The following LRTM1 variants were observed in gnomAD, a reference collection of about 807,000 sequenced individuals.
The protein encoded by LRTM1 is leucine rich repeat transmembrane protein 1, also known as leucine-rich repeat and transmembrane domain-containing protein 1.
LRTM1 carries 38 observed loss-of-function variants against 32.4 expected under a neutral mutation model. The observed-to-expected ratio is 1.17, with a 90% CI of 0.91 to 1.54. The LOEUF (loss-of-function observed/expected upper bound fraction) is 1.54, where lower values mean the gene tolerates loss of function less well. Ranked by LOEUF, LRTM1 falls within the 40% of genes most tolerant of loss-of-function variation. LRTM1 has a pLI of 0.00. For synonymous variants in LRTM1, 186 were observed against 169.9 expected, an observed-to-expected ratio of 1.09 and a Z score of -0.74; for missense variants, 466 against 415.4, an observed-to-expected ratio of 1.12 and a Z score of -1.06.
At chr3:54,946,940 A>T (rs959852797) in intron 1 of LRTM1, among the ~76,000 whole-genome samples, 1 of 152,192 alleles carries the variant, frequency 6.6e-6, no homozygotes, top group South Asian at 2.1e-4. Flanking sequence ...ATAGTTAAGC[A>T]TTGTGAAAAA....
intron 1 of LRTM1, among the ~76,000 whole-genome samples, chr3:54,945,317 G>A (rs1701584872): frequency 6.6e-6 from 1 of 152,220 alleles, no homozygotes; most frequent in South Asian, 2.1e-4. Flanking sequence ...AGAATTGCCA[G>A]GGGATCTGGC....
chr3:54,926,832 G>T (rs1207306049), intron 1 of LRTM1, among the ~76,000 whole-genome samples: 1 of 152,036 alleles, frequency 6.6e-6, no homozygotes. Flanking sequence ...AGACTGCCTT[G>T]GCTGTGCAGG....
In LRTM1 at chr3:54,919,194, C is replaced by T. The variant is rs113716368; in HGVS notation, c.605-302G>A. On this transcript the variant is annotated intron_variant, in intron 2 of 2. Transcript: ENST00000273286. ...CAATGCAAAAGCTGACAAGAAGGCACGCTGGGGGCCGATGGTGAGGGCACA... is the reference window on the plus strand; with the variant it reads ...CAATGCAAAAGCTGACAAGAAGGCATGCTGGGGGCCGATGGTGAGGGCACA... Among the ~76,000 whole-genome samples the T allele has an allele frequency of 2.9e-3, 449 of 152,332 alleles. 1 individual carries two copies. The highest frequency in any genetic ancestry group is 0.01 in the African/African-American group (435 of 41,582).
At chr3:54,931,267 T>A (rs952231731), upstream of LRTM1, among the ~76,000 whole-genome samples, 14 of 152,176 alleles carry the variant, frequency 9.2e-5, no homozygotes, top group African/African-American at 3.4e-4. Context: ...AAGGGGTTTT[T>A]TTGGTTCTGT....
chr3:54,955,733 G>T (rs570296322), intron 1 of LRTM1, among the ~76,000 whole-genome samples: 1 of 152,254 alleles, frequency 6.6e-6, no homozygotes, highest in South Asian at 2.1e-4. Context: ...TACCGAGGGG[G>T]CTTTTTTGGG....
At chr3:54,925,475 C>T (rs1344448460) in intron 1 of LRTM1, among the ~76,000 whole-genome samples, 1 of 152,000 alleles carries the variant, frequency 6.6e-6, no homozygotes, top group South Asian at 2.1e-4. Flanking sequence ...TCTTCTGATT[C>T]GGAAGATGGA....
At chr3:54,954,316 TTGTC>T (rs1000995076) in intron 1 of LRTM1, among the ~76,000 whole-genome samples, 3 of 152,088 alleles carry the variant, frequency 2.0e-5, no homozygotes, top group African/African-American at 7.2e-5. Flanking sequence ...CCCCACTGAG[TTGTC>T]TGTCTGTGGC....
Position 54,945,707 on chromosome 3 carries a change from A to G in LRTM1, c.-221-20492T>C, listed in dbSNP as rs141129294. 2.3e-3 allele frequency among the ~76,000 whole-genome samples: 354 copies of G among 152,302 alleles called. 2 individuals carry two copies. Among genetic ancestry groups the G allele is most frequent in the African/African-American group, 8.0e-3 (333 of 41,566 alleles). ...AATGCAGGTTTGACAGTGGTTCCCT[A>G]TCACTACCCCATTAGGTGTCTATAG... On this transcript the variant is annotated intron_variant, in intron 1 of 2. Transcript: ENST00000493075.
intron 1 of LRTM1, among the ~76,000 whole-genome samples, chr3:54,960,937 G>A (rs1167282328): frequency 2.0e-5 from 3 of 152,168 alleles, no homozygotes; most frequent in African/African-American, 7.2e-5. Context: ...ATGTAAAGAA[G>A]GTTGGAGTTA....
At chr3:54,926,207 A>G (rs1434214080) in intron 1 of LRTM1, among the ~76,000 whole-genome samples, 2 of 152,208 alleles carry the variant, frequency 1.3e-5, no homozygotes, top group African/African-American at 4.8e-5. Context: ...AACATATAGC[A>G]TGCATTTTGA....
intron 1 of LRTM1, among the ~76,000 whole-genome samples, chr3:54,946,926 A>G (rs1323182174): frequency 6.6e-6 from 1 of 152,210 alleles, no homozygotes; most frequent in Non-Finnish European, 1.5e-5. Context: ...CTGTGTCAAT[A>G]AAAATAGTTA....
chr3:54,933,060 CCTTCCTTCCTT>C (rs1701237460), intron 1 of LRTM1, among the ~76,000 whole-genome samples: 1 of 7,594 alleles, frequency 1.3e-4, no homozygotes, highest in Non-Finnish European at 2.5e-4. Context: ...TCCCTTCCTT[CCTTCCTTCCTT>C]CCTTCCTTCC....
At chr3:54,928,726 A>G (rs1701101143), upstream of LRTM1, among the ~76,000 whole-genome samples, 2 of 139,246 alleles carry the variant, frequency 1.4e-5, no homozygotes, top group Admixed American at 1.5e-4. Flanking sequence ...CCAGCCCCCG[A>G]GTTGAATTGA....
upstream of LRTM1, among the ~76,000 whole-genome samples, chr3:54,931,341 C>G (rs1344141728): frequency 6.6e-6 from 1 of 152,182 alleles, no homozygotes; most frequent in Non-Finnish European, 1.5e-5. Flanking sequence ...CCTGGACTGC[C>G]CGCCCCGGAC....
chr3:54,946,248 A>G (rs1002506422), intron 1 of LRTM1, among the ~76,000 whole-genome samples: 15 of 152,136 alleles, frequency 9.9e-5, no homozygotes, highest in African/African-American at 3.1e-4. Context: ...GTTAAAAACC[A>G]TTTCTCCCCC....
At chr3:54,925,300 A>T (rs1176380318) in intron 1 of LRTM1, 85 bp from the exon 2 acceptor site, 3 of 1,145,162 alleles carry the variant, frequency 2.6e-6, no homozygotes, top group Non-Finnish European at 3.8e-6. Context: ...TTTACAGGTA[A>T]TGTGCTTTCC....
At position 54,963,398 on chromosome 3, in the gene LRTM1, G is replaced by A. The variant is rs148527984; in HGVS notation, c.-222+3530C>T. Among the ~76,000 whole-genome samples, 606 of 152,296 alleles carry A rather than the reference G, an allele frequency of 4.0e-3. 14 individuals are homozygous for A. The highest frequency in any genetic ancestry group is 0.034 in the Admixed American group (524 of 15,296). ...ATCGTCCAGTAGAAGTCTCTGCAAT[G>A]ATGGAAATATTCTAGATCTGCATGG... On this transcript the variant is annotated intron_variant, in intron 1 of 2. Coordinates refer to the LRTM1 transcript ENST00000493075.
Position 54,918,477 on chromosome 3 carries a change from A to C in LRTM1, c.1020T>G (p.Phe340Leu). 1 of 1,613,528 alleles carries C rather than the reference A, an allele frequency of 6.2e-7. No homozygotes were observed. Among genetic ancestry groups the C allele is most frequent in the Non-Finnish European group, 8.5e-7 (1 of 1,179,760 alleles). ...AAAGCTCTCAGGCTGGTGAGCTGTC[A>C]AATCGCTCTTTTTCTTCCACCTTCC... ...DPGKVEEKER[F>L]DSSPA The change falls in exon 3 of 3, where the codon TTT (phenylalanine) becomes TTG (leucine). Residue 340 changes from phenylalanine to leucine, a missense_variant. By Grantham distance (22) the Phe-to-Leu change is conservative (BLOSUM62 0). Transcript: ENST00000273286.
At chr3:54,961,289 C>T (rs529065923) in intron 1 of LRTM1, among the ~76,000 whole-genome samples, 1 of 152,256 alleles carries the variant, frequency 6.6e-6, no homozygotes, top group South Asian at 2.1e-4. Context: ...ACCCAGTGCC[C>T]TGATTAAGAA....
Sources: allele counts gnomAD v4.1 joint callset (sites outside exome capture counted in the v4.1 genomes callset), GRCh38; gene constraint gnomAD v4.1.1; transcripts MANE v1.5; gene names NCBI Gene and HGNC (gene_info 2026-07-23, HGNC 2026-07-21).